GNL2: variants seen among roughly 807,000 people sequenced by gnomAD.
GNL2 encodes the protein G protein nucleolar 2, also known as nucleolar GTP-binding protein 2.
Under a neutral mutation model 92.3 loss-of-function variants are expected in GNL2, and 51 were observed. The observed-to-expected ratio is 0.55, with a 90% CI of 0.44 to 0.70. GNL2 has a LOEUF of 0.70. Among genes scored for constraint, GNL2 ranks in the 30% least tolerant of loss-of-function variants. The pLI is 0.00. For missense variants in GNL2, 844 were observed against 895.6 expected, an observed-to-expected ratio of 0.94 and a Z score of 0.74; for synonymous variants, 283 against 300.6, an observed-to-expected ratio of 0.94 and a Z score of 0.61.
At chr1:37,587,213 G>A in intron 5 of GNL2, 98 bp downstream of exon 5, 1 of 888,364 alleles carries the variant, frequency 1.1e-6, no homozygotes. Context: ...GTTGCAGTGG[G>A]CCAAGATCGC....
At chr1:37,572,392 G>A (rs529424995) in intron 12 of GNL2, among the ~76,000 whole-genome samples, 1 of 152,264 alleles carries the variant, frequency 6.6e-6, no homozygotes, top group East Asian at 1.9e-4. Flanking sequence ...GCTTCAGGAT[G>A]GGGGATGCGC....
intron 8 of GNL2, among the ~76,000 whole-genome samples, chr1:37,581,703 C>T (rs1282915080): frequency 2.0e-5 from 3 of 152,296 alleles, no homozygotes; most frequent in African/African-American, 4.8e-5. Context: ...CTCGCTCTGT[C>T]GCCCAGGCTG....
chr1:37,582,214 G>A lies in GNL2; in HGVS notation c.909+9C>T. The A allele has an allele frequency of 6.4e-7, 1 of 1,562,912 alleles. No individual in the cohort carries two copies. Among genetic ancestry groups the A allele is most frequent in the Non-Finnish European group, 8.8e-7 (1 of 1,135,926 alleles). On this transcript the variant is annotated intron_variant, in intron 8 of 15. Coordinates refer to ENST00000373062, the MANE Select transcript of GNL2 (RefSeq NM_013285.3). ...ACAACTCCAGGAGAAACAGATCAGG[G>A]CTCAATACCTTTCCAAACTGCCGCA...
chr1:37,575,802 G>GA lies in GNL2; in HGVS notation c.1039-104dup, dbSNP rs1643668874. The GA allele has an allele frequency of 1.4e-6, 1 of 710,286 alleles. No homozygotes were observed. Among genetic ancestry groups the GA allele is most frequent in the African/African-American group, 1.9e-5 (1 of 53,708 alleles). 44.0% of individuals were successfully genotyped at this position (710,286 alleles called of 1,614,324 possible). A position where few individuals can be genotyped will look rare whatever the true frequency, so the allele number is the denominator to read the frequency against. On this transcript the variant is annotated intron_variant, in intron 9 of 15. Transcript: ENST00000373062. The surrounding 1 kb of genome is among the most constrained non-coding windows in gnomAD (Gnocchi z 4.1). ...ATGAAGCTGGAAAGGAGGAAGGGGTGAGTCAAAGAAAAGCAACGCGCTAAG... is the reference window on the plus strand; with the variant it reads ...ATGAAGCTGGAAAGGAGGAAGGGGTGAAGTCAAAGAAAAGCAACGCGCTAAG...
chr1:37,568,180 G>A (rs1211414270), intron 14 of GNL2, 95 bp downstream of exon 14: 7 of 745,024 alleles, frequency 9.4e-6, no homozygotes, highest in Non-Finnish European at 1.7e-5. Flanking sequence ...AAACATTTAT[G>A]TGGATGACTG....
At chr1:37,576,100 T>G (rs4652960) in intron 9 of GNL2, 253,921 of 318,950 alleles carry the variant, frequency 0.8, 104,013 homozygotes, top group East Asian at 0.96. Flanking sequence ...CTACCTTAAG[T>G]TTGAGGCTTC....
In GNL2 at chr1:37,593,795, C is replaced by T. The variant is rs765846255; in HGVS notation, c.116G>A (p.Arg39Gln). 9 of 1,613,964 alleles carry T rather than the reference C, an allele frequency of 5.6e-6. No homozygotes were observed. The highest frequency in any genetic ancestry group is 3.3e-5 in the Admixed American group (2 of 60,006). ...CTTTTGCCTATACATATTCAGGCGC[C>T]GGATGGTGGCCCGGTCCCTCATGTT... ...GQNMRDRATI[R>Q]RLNMYRQKER... Residue 39 changes from arginine to glutamine, a missense_variant, in exon 2 of 16, where the codon CGG becomes CAG. Coordinates refer to ENST00000373062, the MANE Select transcript of GNL2 (RefSeq NM_013285.3).
intron 1 of GNL2, among the ~76,000 whole-genome samples, chr1:37,595,439 T>A (rs1447798534): frequency 2.6e-5 from 4 of 152,216 alleles, no homozygotes; most frequent in Non-Finnish European, 5.9e-5. Context: ...CCTACACCAT[T>A]TTTAATCTGA....
At chr1:37,586,452 T>A (rs1307110040) in intron 5 of GNL2, among the ~76,000 whole-genome samples, 3 of 152,074 alleles carry the variant, frequency 2.0e-5, no homozygotes, top group Non-Finnish European at 4.4e-5. Context: ...TACGAGAATA[T>A]GATTAAAATT....
rs190312049 is a variant in GNL2 at position 37,583,667 on chromosome 1, T to C, written c.636+200A>G. Among the ~76,000 whole-genome samples, 592 of 152,346 alleles carry C rather than the reference T, an allele frequency of 3.9e-3. 5 individuals carry two copies. The highest frequency in any genetic ancestry group is 7.1e-3 in the Non-Finnish European group (480 of 68,036). ...TAATAAAAGATAGCTGTTACTCTTA[T>C]ACAAGTACTTTAAAAAATGCAGTTA... is the stretch of plus-strand genomic sequence containing the variant. On this transcript the variant is annotated intron_variant, in intron 6 of 15. Transcript: ENST00000373062.
chr1:37,574,639 C>G, intron 11 of GNL2, 26 bp downstream of exon 11: 1 of 1,609,320 alleles, frequency 6.2e-7, no homozygotes. Flanking sequence ...AAGTATCAGT[C>G]TAAATTCTCA....
rs765177137 is a variant in GNL2 at position 37,587,513 on chromosome 1, T to A, written c.385-18A>T. ...TTCAAGTTCTGAAGAGAAAGGAGAATAACAGGTAAAACTAAGAAAAGCACT... is the reference window on the plus strand; with the variant it reads ...TTCAAGTTCTGAAGAGAAAGGAGAAAAACAGGTAAAACTAAGAAAAGCACT... On this transcript the variant is annotated intron_variant, in intron 4 of 15. Transcript: ENST00000373062. 1 of 1,561,478 alleles carries A rather than the reference T, an allele frequency of 6.4e-7. No individual in the cohort carries two copies. Among genetic ancestry groups the A allele is most frequent in the Non-Finnish European group, 8.8e-7 (1 of 1,142,048 alleles).
At chr1:37,580,845 T>C (rs11576892) in intron 8 of GNL2, among the ~76,000 whole-genome samples, 8,170 of 152,306 alleles carry the variant, frequency 0.054, 300 homozygotes, top group Non-Finnish European at 0.077. Flanking sequence ...ATTATACTCA[T>C]AGCACACCAT....
intron 4 of GNL2, among the ~76,000 whole-genome samples, chr1:37,588,392 C>T (rs1222828716): frequency 2.6e-5 from 4 of 152,172 alleles, no homozygotes; most frequent in Non-Finnish European, 5.9e-5. Flanking sequence ...TAACAGATCC[C>T]CTCTTCCAAC....
chr1:37,568,451 C>T lies in GNL2; in HGVS notation c.1869-94G>A, dbSNP rs1161590894. The T allele has an allele frequency of 1.3e-5, 10 of 763,804 alleles. No homozygotes were observed. The East Asian group carries it at 2.0e-4, about 15-fold the overall frequency. The allele number at this position is 763,804 out of a possible 1,614,324, so 47.3% of individuals were successfully genotyped here. The stretch of plus-strand genomic sequence containing the variant: ...GCGACAAACTCACAGACTAAAGAAA[C>T]CCCACTCCTATCCAAGTAGTTATCA... On this transcript the variant is annotated intron_variant, in intron 13 of 15. Transcript: ENST00000373062.
chr1:37,583,719 G>T, intron 6 of GNL2, 148 bp downstream of exon 6: 1 of 558,828 alleles, frequency 1.8e-6, no homozygotes, highest in South Asian at 2.8e-5. Context: ...TACGCCTTCC[G>T]AGTTTCTTTG....
intron 5 of GNL2, among the ~76,000 whole-genome samples, chr1:37,585,063 T>G (rs1643830817): frequency 7.2e-6 from 1 of 138,188 alleles, no homozygotes; most frequent in Non-Finnish European, 1.6e-5. Flanking sequence ...AGAGTACTTT[T>G]TTTTTTTTTT....
At chr1:37,587,281 A>C (rs1213912127) in intron 5 of GNL2, 30 bp downstream of exon 5, 6 of 1,506,826 alleles carry the variant, frequency 4.0e-6, no homozygotes, top group Non-Finnish European at 4.5e-6. Context: ...AAAAAAAAAC[A>C]AAAACAAAGA....
intron 8 of GNL2, among the ~76,000 whole-genome samples, chr1:37,578,487 T>C (rs1378840696): frequency 1.3e-5 from 2 of 150,874 alleles, no homozygotes; most frequent in African/African-American, 4.9e-5. Context: ...TTTAATCACC[T>C]TACAATGAAG....
Sources: allele counts gnomAD v4.1 joint callset (sites outside exome capture counted in the v4.1 genomes callset), GRCh38; gene constraint gnomAD v4.1.1; non-coding constraint Gnocchi (gnomAD v3.1); transcripts MANE v1.5; gene names NCBI Gene and HGNC (gene_info 2026-07-23, HGNC 2026-07-21).